The following MACROD2 variants were observed in gnomAD, a reference collection of about 807,000 sequenced individuals.
MACROD2 encodes mono-ADP ribosylhydrolase 2.
In MACROD2, 36 loss-of-function variants were observed where a neutral mutation model predicts 70.4. The observed-to-expected ratio is 0.51, with a 90% confidence interval of 0.39 to 0.68. The LOEUF (loss-of-function observed/expected upper bound fraction) is 0.68, where lower values mean the gene tolerates loss of function less well. MACROD2 is among the 30% of genes least tolerant of loss of function. The pLI is 0.00. For missense variants in MACROD2, 496 were observed against 538.4 expected (o/e 0.92, Z 0.78); for synonymous variants, 172 against 178.8 (o/e 0.96, Z 0.30).
chr20:14,582,719 T>C (rs148960605), intron 4 of MACROD2, among the ~76,000 whole-genome samples: 2,257 of 152,220 alleles, frequency 0.015, 61 homozygotes, highest in African/African-American at 0.052. Flanking sequence ...CAGTTAAACA[T>C]ATTAATAAGG....
At position 15,896,149 on chromosome 20, in the gene MACROD2, A is replaced by G. The variant is rs112427667; in HGVS notation, c.775+10338A>G. ...TCTTCTTCCCAGCTTAGAGTTATCA[A>G]TGTTTTTTTAGCTTGGTCATTTCAT... On this transcript the variant is annotated intron_variant, in intron 10 of 17. Coordinates refer to ENST00000684519, the MANE Select transcript of MACROD2 (RefSeq NM_001351661.2). Among the ~76,000 whole-genome samples, 1,376 of 152,258 alleles carry G rather than the reference A, an allele frequency of 9.0e-3. 21 individuals are homozygous for G. The highest frequency in any genetic ancestry group is 0.032 in the African/African-American group (1,310 of 41,558).
chr20:14,915,764 C>T (rs531603654), intron 5 of MACROD2, among the ~76,000 whole-genome samples: 1 of 152,262 alleles, frequency 6.6e-6, no homozygotes, highest in Admixed American at 6.5e-5. Flanking sequence ...ATGTCCACAG[C>T]ACGGTTGACA....
chr20:15,122,079 C>G (rs954429063), intron 5 of MACROD2, among the ~76,000 whole-genome samples: 1 of 152,102 alleles, frequency 6.6e-6, no homozygotes, highest in Admixed American at 6.6e-5. Context: ...TTAATGATAG[C>G]TTAAAATTAA....
chr20:15,902,220 C>A (rs910550719), intron 10 of MACROD2, among the ~76,000 whole-genome samples: 2 of 152,146 alleles, frequency 1.3e-5, no homozygotes, highest in African/African-American at 4.8e-5. Flanking sequence ...GCACTCATTC[C>A]ACATACTTTT....
At chr20:14,083,885 C>G (rs1160405033) in intron 2 of MACROD2, among the ~76,000 whole-genome samples, 1 of 151,502 alleles carries the variant, frequency 6.6e-6, no homozygotes, top group Non-Finnish European at 1.5e-5. Context: ...TGGAGACCAA[C>G]CCCGTCTCTA....
At chr20:14,996,095 A>T (rs1462421171) in intron 5 of MACROD2, among the ~76,000 whole-genome samples, 1 of 152,176 alleles carries the variant, frequency 6.6e-6, no homozygotes, top group Non-Finnish European at 1.5e-5. Flanking sequence ...AAGGAATTTT[A>T]AAAGTAATAT....
intron 3 of MACROD2, among the ~76,000 whole-genome samples, chr20:14,461,194 T>C (rs2084366387): frequency 1.3e-5 from 2 of 152,216 alleles, no homozygotes; most frequent in Non-Finnish European, 2.9e-5. Context: ...TTCTTCCAGA[T>C]TTTCTAGTTT....
chr20:15,437,199 A>G (rs1287774924), intron 7 of MACROD2, among the ~76,000 whole-genome samples: 1 of 152,136 alleles, frequency 6.6e-6, no homozygotes, highest in Non-Finnish European at 1.5e-5. Flanking sequence ...TGATGATAGA[A>G]ACTAGTATAT....
At chr20:15,035,877 T>G (rs2123011351) in intron 5 of MACROD2, among the ~76,000 whole-genome samples, 1 of 151,974 alleles carries the variant, frequency 6.6e-6, no homozygotes, top group South Asian at 2.1e-4. Flanking sequence ...CCAGCCCTGC[T>G]CCCCCTTTTT....
intron 8 of MACROD2, among the ~76,000 whole-genome samples, chr20:15,585,502 G>T (rs529290199): frequency 6.6e-6 from 1 of 151,986 alleles, no homozygotes; most frequent in Non-Finnish European, 1.5e-5. Flanking sequence ...GGCCTGGAGC[G>T]TCCTTTTTAC....
intron 4 of MACROD2, among the ~76,000 whole-genome samples, chr20:14,641,379 C>G (rs1985082118): frequency 6.6e-6 from 1 of 152,164 alleles, no homozygotes; most frequent in African/African-American, 2.4e-5. Flanking sequence ...TCAACTTATT[C>G]CAAACTTATG....
At chr20:15,398,507 A>T in intron 6 of MACROD2, among the ~76,000 whole-genome samples, 1 of 152,202 alleles carries the variant, frequency 6.6e-6, no homozygotes, top group Non-Finnish European at 1.5e-5. Context: ...TGGTGAAGGA[A>T]GAAGATACTG....
chr20:15,966,822 A>C lies in MACROD2; in HGVS notation c.908-731A>C, dbSNP rs147500580. Among the ~76,000 whole-genome samples, 25 of 152,324 alleles carry C rather than the reference A, an allele frequency of 1.6e-4. No homozygotes were observed. In the East Asian group the frequency reaches 4.8e-3, roughly 29 times the overall value. On this transcript the variant is annotated intron_variant, in intron 12 of 17. Transcript: ENST00000684519. ...CTACTTGCTGTCTTCCTGTTGATCC[A>C]TTCACAGGATCATTCCAGTACTTTT...
chr20:16,049,911 G>A lies in MACROD2; in HGVS notation c.*35G>A, dbSNP rs2067436233. 2 of 1,586,630 alleles carry A rather than the reference G, an allele frequency of 1.3e-6. No individual in the cohort carries two copies. Among genetic ancestry groups the A allele is most frequent in the Admixed American group, 3.4e-5 (2 of 58,940 alleles). ...GCATCGCAAGGCCTCTCCTGGCTCT[G>A]GGGGAGCTCGGGAAGATAGCAGCAC... On this transcript the variant is annotated 3_prime_UTR_variant, in exon 18 of 18. Transcript: ENST00000684519.
chr20:15,180,482 C>T (rs1198385905), intron 5 of MACROD2, among the ~76,000 whole-genome samples: 1 of 152,180 alleles, frequency 6.6e-6, no homozygotes, highest in Admixed American at 6.5e-5. Context: ...TTGAGAATTT[C>T]AGAAATGAAT....
intron 6 of MACROD2, among the ~76,000 whole-genome samples, chr20:15,312,983 A>G (rs1186663434): frequency 2.0e-5 from 3 of 152,168 alleles, no homozygotes; most frequent in Non-Finnish European, 4.4e-5. Context: ...TTTAGTATAA[A>G]TATTTGCATA....
At chr20:15,648,053 C>T (rs2049579799) in intron 8 of MACROD2, among the ~76,000 whole-genome samples, 1 of 152,044 alleles carries the variant, frequency 6.6e-6, no homozygotes, top group South Asian at 2.1e-4. Context: ...TGAAGGCTTT[C>T]TTGGCGTATG....
intron 5 of MACROD2, among the ~76,000 whole-genome samples, chr20:15,051,801 G>T (rs887400785): frequency 6.6e-6 from 1 of 150,710 alleles, no homozygotes; most frequent in African/African-American, 2.5e-5. Flanking sequence ...CGCCAGGCTG[G>T]GGTGCAGTGA....
At chr20:14,561,220 C>A (rs535594819) in intron 4 of MACROD2, among the ~76,000 whole-genome samples, 1 of 151,824 alleles carries the variant, frequency 6.6e-6, no homozygotes, top group Non-Finnish European at 1.5e-5. Context: ...TGTTTATAAT[C>A]TAAAGTAATA....
Sources: gnomAD v4.1 joint callset for allele counts (sites outside exome capture counted in the v4.1 genomes callset) on GRCh38, gnomAD v4.1.1 for gene constraint, MANE v1.5 for transcripts, NCBI Gene and HGNC (gene_info 2026-07-23, HGNC 2026-07-21) for gene names.